The following ADAMTS18 variants were observed in gnomAD, a reference collection of about 807,000 sequenced individuals.
The protein encoded by ADAMTS18 is A disintegrin and metalloproteinase with thrombospondin motifs 18.
A neutral mutation model predicts 165.9 loss-of-function variants in ADAMTS18; 157 were observed. The observed-to-expected ratio is 0.95, with a 90% CI of 0.83 to 1.08. ADAMTS18 has a LOEUF of 1.08. Among genes scored for constraint, ADAMTS18 ranks in the 50% least tolerant of loss-of-function variants. The probability of loss-of-function intolerance (pLI) is 0.00; values close to 1 mark genes in which losing one functional copy is unlikely to be tolerated. For synonymous variants in ADAMTS18, 782 were observed against 578.2 expected, an observed-to-expected ratio of 1.35 and a Z score of -5.06; for missense variants, 2,040 against 1,534.0, an observed-to-expected ratio of 1.33 and a Z score of -5.51.
intron 3 of ADAMTS18, among the ~76,000 whole-genome samples, chr16:77,377,774 T>C (rs759310485): frequency 6.6e-6 from 1 of 152,338 alleles, no homozygotes; most frequent in Non-Finnish European, 1.5e-5. Context: ...TAAAAATTTT[T>C]TTAAATCTAA....
chr16:77,298,033 T>TC (rs1189853306), intron 17 of ADAMTS18, among the ~76,000 whole-genome samples: 1 of 147,358 alleles, frequency 6.8e-6, no homozygotes, highest in African/African-American at 2.5e-5. Flanking sequence ...CAAGCGATTC[T>TC]CCTGCCTCAG....
At chr16:77,431,185 G>A in intron 3 of ADAMTS18, 110 bp downstream of exon 3, 2 of 1,138,328 alleles carry the variant, frequency 1.8e-6, no homozygotes, top group South Asian at 1.3e-5. Context: ...AAGGCTGACA[G>A]TGTGAATGTG....
Position 77,291,281 on chromosome 16 carries a change from T to C in ADAMTS18, c.3387A>G (p.Ser1129=), listed in dbSNP as rs369354162. 52 of 1,613,972 alleles carry C rather than the reference T, an allele frequency of 3.2e-5. No homozygotes were observed. Among genetic ancestry groups the C allele is most frequent in the Non-Finnish European group, 7.6e-6 (9 of 1,180,030 alleles). ...CTGTACCCACCTGCTGCCACGGCAA[T>C]GAATACCATCCAGCTACCATGTTGT... ...PVYNMVAGWY[S]LPWQQCTVTC... The change falls in exon 21 of 23, where the codon TCA becomes TCG. Residue 1129 remains serine, a synonymous_variant. Coordinates refer to ENST00000282849, the MANE Select transcript of ADAMTS18 (RefSeq NM_199355.4).
chr16:77,416,793 G>C (rs12443556), intron 3 of ADAMTS18, among the ~76,000 whole-genome samples: 4 of 152,152 alleles, frequency 2.6e-5, no homozygotes, highest in Admixed American at 6.5e-5. Context: ...GAGAAGAATA[G>C]ACTAAAGGGA....
rs1315056518 is a variant in ADAMTS18 at position 77,297,405 on chromosome 16, AT to A, written c.2684del (p.Asn895MetfsTer2). The A allele has an allele frequency of 1.2e-6, 2 of 1,612,646 alleles. No individual in the cohort carries two copies. Among genetic ancestry groups the A allele is most frequent in the Non-Finnish European group, 1.7e-6 (2 of 1,178,772 alleles). On this transcript the variant is annotated frameshift_variant, in exon 18 of 23. Coordinates refer to ENST00000282849, the MANE Select transcript of ADAMTS18 (RefSeq NM_199355.4). LOFTEE classifies it high-confidence loss of function. ...GATCTCGCAAGCAAATGGCCTTTAC[AT>A]TTATGTAACCTGGTAAGACATCAGA... Reference protein sequence around the residue: ...CSVSCGGGYINVKAICLRDQN... With the variant: ...CSVSCGGGYIXVKAICLRDQN...
intron 16 of ADAMTS18, among the ~76,000 whole-genome samples, chr16:77,312,485 G>A (rs535343984): frequency 3.0e-4 from 45 of 152,236 alleles, no homozygotes; most frequent in African/African-American, 1.0e-3. Flanking sequence ...TGATCTACCC[G>A]CCTTGGCCTC....
chr16:77,419,180 G>C (rs542312647), intron 3 of ADAMTS18, among the ~76,000 whole-genome samples: 1 of 152,088 alleles, frequency 6.6e-6, no homozygotes, highest in East Asian at 1.9e-4. Context: ...TTAACTCCCA[G>C]TTGTGTAAGT....
chr16:77,327,403 C>T (rs765424410), intron 12 of ADAMTS18, among the ~76,000 whole-genome samples: 15 of 152,154 alleles, frequency 9.9e-5, no homozygotes, highest in Non-Finnish European at 1.8e-4. Flanking sequence ...CATACCTTAG[C>T]TCCCACATAT....
intron 7 of ADAMTS18, among the ~76,000 whole-genome samples, chr16:77,359,770 G>A (rs1263144514): frequency 6.6e-6 from 1 of 152,118 alleles, no homozygotes; most frequent in African/African-American, 2.4e-5. Context: ...TCAGGTCAGA[G>A]CAACGGATAG....
intron 8 of ADAMTS18, among the ~76,000 whole-genome samples, chr16:77,357,082 A>C (rs1234630498): frequency 4.1e-5 from 6 of 145,808 alleles, no homozygotes; most frequent in Non-Finnish European, 9.0e-5. Flanking sequence ...CTCATTATTT[A>C]AAAGAATAAA....
intron 3 of ADAMTS18, among the ~76,000 whole-genome samples, chr16:77,424,417 A>C (rs12933071): frequency 6.6e-6 from 1 of 151,588 alleles, no homozygotes; most frequent in African/African-American, 2.4e-5. Context: ...GCAGTGAGCC[A>C]AGATCATGCC....
intron 10 of ADAMTS18, among the ~76,000 whole-genome samples, chr16:77,350,170 C>G (rs1250091485): frequency 6.6e-6 from 1 of 152,152 alleles, no homozygotes; most frequent in Non-Finnish European, 1.5e-5. Flanking sequence ...AGAGGGAATC[C>G]TGCTTTGAGT....
At chr16:77,287,666 T>A (rs901183612) in intron 22 of ADAMTS18, among the ~76,000 whole-genome samples, 3 of 152,080 alleles carry the variant, frequency 2.0e-5, no homozygotes, top group Admixed American at 6.6e-5. Flanking sequence ...GAGACGGGGT[T>A]TCACCATATT....
Position 77,367,512 on chromosome 16 carries a change from G to T in ADAMTS18, c.707C>A (p.Ser236Tyr), listed in dbSNP as rs1597180137. 6.2e-7 allele frequency: 1 copy of T among 1,614,234 alleles called. No homozygotes were observed. Among genetic ancestry groups the T allele is most frequent in the East Asian group, 2.2e-5 (1 of 44,880 alleles). The part of the protein sequence containing the change: ...GYSPSHIPHA[S>Y]QSRETEYHHR... Reference sequence around the variant, plus strand: ...GTGATACTCTGTCTCTCGACTCTGAGATGCATGGGGAATGTGACTTGGGGA... The same window carrying T: ...GTGATACTCTGTCTCTCGACTCTGATATGCATGGGGAATGTGACTTGGGGA... The change falls in exon 4 of 23, where the codon TCT becomes TAT. Residue 236 changes from serine (S) to tyrosine (Y), a missense_variant. Physicochemically the swap from Ser to Tyr is moderately radical, Grantham distance 144. Transcript: ENST00000282849.
At position 77,337,891 on chromosome 16, in the gene ADAMTS18, ATCTTT is replaced by A. The variant is rs529035050; in HGVS notation, c.1711-1992_1711-1988del. Among the ~76,000 whole-genome samples the A allele has an allele frequency of 4.4e-3, 649 of 147,876 alleles. 1 individual carries two copies. The highest frequency in any genetic ancestry group is 0.011 in the Admixed American group (158 of 14,312). ...AATATATACACCTGTAATTTTATCC[ATCTTT>A]TCTTTTCTTTTCTTTTTTTTTTTTT... is the stretch of plus-strand genomic sequence containing the variant. On this transcript the variant is annotated intron_variant, in intron 11 of 22. Coordinates refer to ENST00000282849, the MANE Select transcript of ADAMTS18 (RefSeq NM_199355.4).
intron 3 of ADAMTS18, among the ~76,000 whole-genome samples, chr16:77,395,941 C>T (rs541627130): frequency 6.6e-6 from 1 of 152,130 alleles, no homozygotes; most frequent in Non-Finnish European, 1.5e-5. Flanking sequence ...GTTTTTGAAG[C>T]ATTTACCACT....
intron 3 of ADAMTS18, among the ~76,000 whole-genome samples, chr16:77,417,081 C>G (rs977567332): frequency 6.6e-6 from 1 of 152,146 alleles, no homozygotes; most frequent in Non-Finnish European, 1.5e-5. Flanking sequence ...TTGCACATAC[C>G]TTAACTGTAA....
At chr16:77,328,232 G>A (rs984251899) in intron 12 of ADAMTS18, among the ~76,000 whole-genome samples, 3 of 152,010 alleles carry the variant, frequency 2.0e-5, no homozygotes, top group African/African-American at 4.8e-5. Flanking sequence ...GCATAACATC[G>A]TACCCAGCTT....
chr16:77,427,899 A>G (rs1406307995), intron 3 of ADAMTS18, among the ~76,000 whole-genome samples: 1 of 152,230 alleles, frequency 6.6e-6, no homozygotes, highest in Non-Finnish European at 1.5e-5. Flanking sequence ...GTATGTATGC[A>G]CGCATGTCTG....
Sources: allele counts gnomAD v4.1 joint callset (sites outside exome capture counted in the v4.1 genomes callset), GRCh38; gene constraint gnomAD v4.1.1; transcripts MANE v1.5; gene names NCBI Gene and HGNC (gene_info 2026-07-23, HGNC 2026-07-21).